Variants in GLIS3 observed in about 807,000 individuals in gnomAD.
GLIS3 encodes GLIS family zinc finger 3.
Under a neutral mutation model 78.6 loss-of-function variants are expected in GLIS3, and 53 were observed. The observed-to-expected ratio is 0.67, with a 90% CI of 0.54 to 0.85. The LOEUF (loss-of-function observed/expected upper bound fraction) is 0.85, where lower values mean the gene tolerates loss of function less well. GLIS3 is among the 40% of genes least tolerant of loss of function. The pLI, the probability that GLIS3 is intolerant of heterozygous loss-of-function variation, is 0.00. For missense variants in GLIS3, 1,703 were observed against 1,231.1 expected (o/e 1.38, Z -5.74); for synonymous variants, 684 against 509.9 (o/e 1.34, Z -4.60).
At chr9:4,325,376 G>A (rs1817584676) in intron 2 of GLIS3, among the ~76,000 whole-genome samples, 1 of 152,156 alleles carries the variant, frequency 6.6e-6, no homozygotes, top group African/African-American at 2.4e-5. Flanking sequence ...AGGGCATAAT[G>A]TTTGGACAAA....
rs374361668 is a variant in GLIS3, at chr9:4,250,543, T to C, written c.388+35495A>G. Reference sequence around the variant, plus strand: ...TTTTGCTAGCAGTCTATCAGTTTTGTTGATCTTTTCAAAAACCTAGCTCCC... The same window carrying C: ...TTTTGCTAGCAGTCTATCAGTTTTGCTGATCTTTTCAAAAACCTAGCTCCC... On this transcript the variant is annotated intron_variant, in intron 2 of 10. Coordinates refer to ENST00000381971, the MANE Select transcript of GLIS3 (RefSeq NM_001042413.2). Among the ~76,000 whole-genome samples the C allele has an allele frequency of 2.6e-5, 4 of 151,832 alleles. No homozygotes were observed. The South Asian group carries it at 6.3e-4, about 24-fold the overall frequency.
At chr9:3,944,882 T>G (rs931296360) in intron 4 of GLIS3, among the ~76,000 whole-genome samples, 1 of 152,212 alleles carries the variant, frequency 6.6e-6, no homozygotes, top group Non-Finnish European at 1.5e-5. Flanking sequence ...GCTTTCATAC[T>G]GTGTCGTATC....
At chr9:4,338,391 C>T (rs867455568) in intron 2 of GLIS3, among the ~76,000 whole-genome samples, 7 of 138,156 alleles carry the variant, frequency 5.1e-5, no homozygotes, top group African/African-American at 1.3e-4. Context: ...CACACACATA[C>T]ACACACACAC....
intron 4 of GLIS3, 66 bp from the exon 5 acceptor site, chr9:3,937,255 T>TA (rs565026906): frequency 1.5e-3 from 2,134 of 1,411,632 alleles, no homozygotes; most frequent in Non-Finnish European, 1.8e-3. Flanking sequence ...GGGGGACAGC[T>TA]AAAAAAAAAA....
intron 2 of GLIS3, among the ~76,000 whole-genome samples, chr9:4,260,162 G>T (rs1300095846): frequency 6.6e-6 from 1 of 152,228 alleles, no homozygotes; most frequent in Admixed American, 6.5e-5. Context: ...CATTGGGCCA[G>T]GCCCGATGGC....
intron 2 of GLIS3, among the ~76,000 whole-genome samples, chr9:4,195,836 A>G (rs758872042): frequency 6.6e-6 from 1 of 152,182 alleles, no homozygotes; most frequent in Non-Finnish European, 1.5e-5. Flanking sequence ...CTGTAAACAC[A>G]CCAGTGTTCT....
intron 8 of GLIS3, among the ~76,000 whole-genome samples, chr9:3,861,011 G>C (rs903204938): frequency 8.5e-5 from 13 of 152,154 alleles, no homozygotes; most frequent in Non-Finnish European, 1.9e-4. Flanking sequence ...GGGCGGGGTG[G>C]ATTAGGAATA....
At chr9:3,981,663 C>T (rs768553882) in intron 4 of GLIS3, among the ~76,000 whole-genome samples, 5 of 152,152 alleles carry the variant, frequency 3.3e-5, no homozygotes, top group Admixed American at 6.5e-5. Context: ...AATTAAACTG[C>T]TTTGCAGTGA....
intron 4 of GLIS3, among the ~76,000 whole-genome samples, chr9:4,021,732 G>C (rs1822902387): frequency 6.6e-6 from 1 of 152,172 alleles, no homozygotes; most frequent in Non-Finnish European, 1.5e-5. Flanking sequence ...GCTCTAAGAA[G>C]TATCCAGGTA....
At chr9:4,174,135 A>C (rs1426687719) in intron 2 of GLIS3, among the ~76,000 whole-genome samples, 1 of 152,242 alleles carries the variant, frequency 6.6e-6, no homozygotes, top group Non-Finnish European at 1.5e-5. Flanking sequence ...GAGAAAAAGC[A>C]ATTAAAATAA....
intron 2 of GLIS3, among the ~76,000 whole-genome samples, chr9:4,279,304 A>C: frequency 1.2e-5 from 1 of 81,906 alleles, no homozygotes; most frequent in African/African-American, 7.4e-5. Flanking sequence ...TCTCAAAAAA[A>C]AAAAAAAAAA....
At chr9:4,295,931 T>A (rs964875831) in intron 1 of GLIS3, among the ~76,000 whole-genome samples, 1 of 151,566 alleles carries the variant, frequency 6.6e-6, no homozygotes, top group African/African-American at 2.4e-5. Flanking sequence ...GGCAACAAGT[T>A]TTTTTTTTAT....
chr9:3,906,107 C>T (rs1391275545), intron 6 of GLIS3, among the ~76,000 whole-genome samples: 1 of 152,166 alleles, frequency 6.6e-6, no homozygotes, highest in South Asian at 2.1e-4. Context: ...AGGAAGGGTG[C>T]AGGATGCAGG....
intron 4 of GLIS3, among the ~76,000 whole-genome samples, chr9:4,087,084 G>A (rs1829094537): frequency 1.3e-5 from 2 of 152,132 alleles, no homozygotes; most frequent in East Asian, 1.9e-4. Context: ...AGTCTGAAAT[G>A]AAAATAAAAG....
At chr9:4,185,581 G>A (rs1359408720) in intron 2 of GLIS3, among the ~76,000 whole-genome samples, 1 of 152,120 alleles carries the variant, frequency 6.6e-6, no homozygotes, top group Non-Finnish European at 1.5e-5. Context: ...CCATAAGGAA[G>A]CAGATGGCAC....
intron 4 of GLIS3, among the ~76,000 whole-genome samples, chr9:4,010,946 T>G (rs1398274768): frequency 1.3e-5 from 2 of 152,190 alleles, no homozygotes; most frequent in African/African-American, 2.4e-5. Flanking sequence ...TGTGTATGGA[T>G]GTACTTAGAG....
intron 4 of GLIS3, among the ~76,000 whole-genome samples, chr9:4,015,629 C>G (rs559319078): frequency 3.3e-5 from 5 of 152,032 alleles, no homozygotes; most frequent in Admixed American, 2.0e-4. Flanking sequence ...GGCTCACGCC[C>G]GTAATCCCAG....
intron 4 of GLIS3, among the ~76,000 whole-genome samples, chr9:3,937,520 T>C (rs1445321644): frequency 6.6e-6 from 1 of 152,150 alleles, no homozygotes; most frequent in Non-Finnish European, 1.5e-5. Flanking sequence ...TATTAAAAAT[T>C]AACACACTTT....
intron 9 of GLIS3, among the ~76,000 whole-genome samples, chr9:3,835,113 TTAG>T (rs1323199000): frequency 2.0e-5 from 3 of 152,326 alleles, no homozygotes; most frequent in South Asian, 2.1e-4. Flanking sequence ...ATCTGTGTAC[TTAG>T]TAGGTTTGTT....
Sources: gnomAD v4.1 joint callset for allele counts (sites outside exome capture counted in the v4.1 genomes callset) on GRCh38, gnomAD v4.1.1 for gene constraint, MANE v1.5 for transcripts, NCBI Gene and HGNC (gene_info 2026-07-23, HGNC 2026-07-21) for gene names.